SCHIP1: variants seen among roughly 807,000 people sequenced by gnomAD.
SCHIP1 encodes schwannomin-interacting protein 1.
In SCHIP1, 8 loss-of-function variants were observed where a neutral mutation model predicts 29.7. The ratio of observed to expected loss-of-function variants is 0.27; its 90% CI spans 0.16 to 0.49. The LOEUF (loss-of-function observed/expected upper bound fraction) is 0.49. SCHIP1 is among the 20% of genes least tolerant of loss of function. SCHIP1 has a pLI of 0.99. For synonymous variants in SCHIP1, 76 were observed against 94.9 expected (o/e 0.80, Z 1.16); for missense variants, 193 against 294.6 (o/e 0.66, Z 2.52).
chr3:159,353,079 C>T, the SCHIP1 span, among the ~76,000 whole-genome samples: 1 of 152,024 alleles, frequency 6.6e-6, no homozygotes, highest in Admixed American at 6.6e-5. Flanking sequence ...CTAGGCATTC[C>T]AAGCCAATAC....
At chr3:159,725,455 G>C in the SCHIP1 span, among the ~76,000 whole-genome samples, 96 of 152,046 alleles carry the variant, frequency 6.3e-4, 1 homozygote, top group Non-Finnish European at 1.2e-3. Flanking sequence ...TTTTAGTAGA[G>C]ACGGGGTTTC....
intron 1 of SCHIP1, among the ~76,000 whole-genome samples, chr3:159,865,122 A>G (rs1714483384): frequency 6.6e-6 from 1 of 152,156 alleles, no homozygotes. Flanking sequence ...TTTAGTAGCC[A>G]CACCCAGTCA....
At chr3:159,690,126 A>G in the SCHIP1 span, among the ~76,000 whole-genome samples, 5 of 152,168 alleles carry the variant, frequency 3.3e-5, no homozygotes, top group African/African-American at 1.2e-4. Flanking sequence ...GAGTTAGGGA[A>G]GAGACCCTCT....
At chr3:159,290,577 A>G in the SCHIP1 span, among the ~76,000 whole-genome samples, 1 of 152,140 alleles carries the variant, frequency 6.6e-6, no homozygotes, top group Non-Finnish European at 1.5e-5. Context: ...ATGAAAACAA[A>G]TGAATCTAAT....
the SCHIP1 span, among the ~76,000 whole-genome samples, chr3:159,689,610 C>T: frequency 6.6e-6 from 1 of 152,068 alleles, no homozygotes; most frequent in African/African-American, 2.4e-5. Context: ...GCCTGATTGC[C>T]CTGGCCAGAA....
the SCHIP1 span, among the ~76,000 whole-genome samples, chr3:159,332,578 G>A: frequency 1.3e-5 from 2 of 152,092 alleles, no homozygotes; most frequent in Non-Finnish European, 2.9e-5. Context: ...TCAGTCTCCA[G>A]GAATATGAGC....
At chr3:159,520,390 C>T in the SCHIP1 span, among the ~76,000 whole-genome samples, 1 of 152,248 alleles carries the variant, frequency 6.6e-6, no homozygotes, top group Middle Eastern at 3.4e-3. Flanking sequence ...AAGCTGTGAG[C>T]AGTCTTGGGG....
chr3:159,386,367 A>G, the SCHIP1 span, among the ~76,000 whole-genome samples: 1 of 152,202 alleles, frequency 6.6e-6, no homozygotes, highest in Non-Finnish European at 1.5e-5. Context: ...ACCACTGCTC[A>G]AGGAAATAAG....
At chr3:159,886,352 T>C (rs1251222256) in intron 3 of SCHIP1, 28 bp downstream of exon 4, 1 of 1,599,942 alleles carries the variant, frequency 6.3e-7, no homozygotes, top group South Asian at 1.1e-5. Context: ...CAGCTGAAGC[T>C]CGGTGTTGTG....
At chr3:159,389,676 G>A in the SCHIP1 span, among the ~76,000 whole-genome samples, 3 of 151,982 alleles carry the variant, frequency 2.0e-5, no homozygotes, top group South Asian at 2.1e-4. Flanking sequence ...ACAGAGAAAT[G>A]TGATTACTCT....
At chr3:159,896,781 G>A in exon 7 of SCHIP1, 2 of 1,605,766 alleles carry the variant, frequency 1.2e-6, no homozygotes, top group Non-Finnish European at 1.7e-6. Context: ...GTGAAAAGAA[G>A]CCATTCAACC....
chr3:159,578,338 A>C, the SCHIP1 span, among the ~76,000 whole-genome samples: 11 of 152,330 alleles, frequency 7.2e-5, no homozygotes, highest in African/African-American at 2.4e-4. Context: ...AAATATATAA[A>C]ATAAGCCATC....
chr3:159,537,886 G>A, the SCHIP1 span, among the ~76,000 whole-genome samples: 1 of 152,120 alleles, frequency 6.6e-6, no homozygotes. Context: ...TATACATAGT[G>A]TATTAAAGGC....
At chr3:159,683,205 C>A in the SCHIP1 span, among the ~76,000 whole-genome samples, 1 of 152,138 alleles carries the variant, frequency 6.6e-6, no homozygotes, top group Admixed American at 6.5e-5. Flanking sequence ...CGCACACCAC[C>A]AGGCCCGACT....
the SCHIP1 span, among the ~76,000 whole-genome samples, chr3:159,792,343 T>G: frequency 6.6e-6 from 1 of 152,162 alleles, no homozygotes; most frequent in South Asian, 2.1e-4. Context: ...CGCCTAAGAG[T>G]CTCACCCTGT....
chr3:159,463,133 T>G, the SCHIP1 span, among the ~76,000 whole-genome samples: 3 of 151,796 alleles, frequency 2.0e-5, no homozygotes, highest in African/African-American at 7.3e-5. Context: ...ATACTATATA[T>G]ACAGTATATA....
the SCHIP1 span, among the ~76,000 whole-genome samples, chr3:159,347,091 C>T: frequency 2.0e-4 from 31 of 152,256 alleles, no homozygotes; most frequent in African/African-American, 6.5e-4. Flanking sequence ...ACTCTGTCCT[C>T]CACAAATATA....
chr3:159,293,986 C>G, the SCHIP1 span, among the ~76,000 whole-genome samples: 1 of 152,008 alleles, frequency 6.6e-6, no homozygotes, highest in Non-Finnish European at 1.5e-5. Context: ...ATTATGGTTC[C>G]CAGTACTGTC....
At chr3:159,662,926 T>G in the SCHIP1 span, among the ~76,000 whole-genome samples, 1 of 152,218 alleles carries the variant, frequency 6.6e-6, no homozygotes, top group Non-Finnish European at 1.5e-5. Context: ...TCACTTTTCA[T>G]TGAATTGTGT....
Sources: gnomAD v4.1 joint callset for allele counts (sites outside exome capture counted in the v4.1 genomes callset) on GRCh38, gnomAD v4.1.1 for gene constraint, MANE v1.5 for transcripts, NCBI Gene and HGNC (gene_info 2026-07-23, HGNC 2026-07-21) for gene names.